ATRNL1: variants seen among roughly 807,000 people sequenced by gnomAD.
The protein encoded by ATRNL1 is attractin like 1.
Under a neutral mutation model 182.7 loss-of-function variants are expected in ATRNL1, and 95 were observed. The ratio of observed to expected loss-of-function variants is 0.52; its 90% CI spans 0.44 to 0.62. The LOEUF (loss-of-function observed/expected upper bound fraction) is 0.62. ATRNL1 is among the 20% of genes least tolerant of loss of function. ATRNL1 has a pLI of 0.00. For missense variants in ATRNL1, 1,471 were observed against 1,679.5 expected, an observed-to-expected ratio of 0.88 and a Z score of 2.17; for synonymous variants, 576 against 568.3, an observed-to-expected ratio of 1.01 and a Z score of -0.19.
intron 26 of ATRNL1, among the ~76,000 whole-genome samples, chr10:115,682,140 A>G (rs1946066017): frequency 1.3e-5 from 2 of 152,186 alleles, no homozygotes; most frequent in Non-Finnish European, 2.9e-5. Flanking sequence ...AGCAGGATAG[A>G]TAAACTGAAC....
At chr10:115,529,414 A>G (rs2133739227) in intron 25 of ATRNL1, among the ~76,000 whole-genome samples, 1 of 151,744 alleles carries the variant, frequency 6.6e-6, no homozygotes, top group East Asian at 1.9e-4. Flanking sequence ...TTTTGTTTTA[A>G]TAATCTGGGA....
chr10:115,711,545 G>A (rs1384511953), intron 26 of ATRNL1, among the ~76,000 whole-genome samples: 6 of 152,186 alleles, frequency 3.9e-5, no homozygotes, highest in Admixed American at 2.0e-4. Flanking sequence ...AGGCCACTGA[G>A]TTTAACCATA....
intron 28 of ATRNL1, among the ~76,000 whole-genome samples, chr10:115,888,933 C>T (rs1952015590): frequency 6.6e-6 from 1 of 152,182 alleles, no homozygotes; most frequent in Admixed American, 6.5e-5. Flanking sequence ...AATCTGACTC[C>T]TCCTAAATGA....
chr10:115,462,673 T>G (rs1592694357), intron 22 of ATRNL1, among the ~76,000 whole-genome samples: 1 of 152,252 alleles, frequency 6.6e-6, no homozygotes, highest in South Asian at 2.1e-4. Flanking sequence ...TGTATTTTAC[T>G]TTCCTTTATA....
At chr10:115,540,156 T>A (rs1375105743) in intron 25 of ATRNL1, among the ~76,000 whole-genome samples, 4 of 151,306 alleles carry the variant, frequency 2.6e-5, no homozygotes, top group Non-Finnish European at 5.9e-5. Flanking sequence ...TAAATAAATA[T>A]ATAGTGCTTT....
intron 15 of ATRNL1, among the ~76,000 whole-genome samples, chr10:115,287,811 A>T (rs987573405): frequency 6.6e-6 from 1 of 151,536 alleles, no homozygotes; most frequent in African/African-American, 2.4e-5. Flanking sequence ...TATTCATCTT[A>T]TCGAGCTGTA....
chr10:115,796,916 A>C (rs1459106824), intron 27 of ATRNL1, among the ~76,000 whole-genome samples: 1 of 152,222 alleles, frequency 6.6e-6, no homozygotes, highest in Non-Finnish European at 1.5e-5. Flanking sequence ...TAGTATCAAA[A>C]ATCATTGATC....
At chr10:115,313,477 T>C (rs1854137911) in intron 17 of ATRNL1, among the ~76,000 whole-genome samples, 1 of 152,206 alleles carries the variant, frequency 6.6e-6, no homozygotes, top group Admixed American at 6.5e-5. Flanking sequence ...GCTCCATTTA[T>C]AAGTAGGTGC....
At chr10:115,668,350 A>C (rs1265942949) in intron 26 of ATRNL1, among the ~76,000 whole-genome samples, 2 of 152,138 alleles carry the variant, frequency 1.3e-5, no homozygotes, top group African/African-American at 4.8e-5. Context: ...AAAATTAGTT[A>C]TGTTGCTTTA....
chr10:115,680,741 TTAAAG>T (rs1209708296), intron 26 of ATRNL1, among the ~76,000 whole-genome samples: 1 of 152,086 alleles, frequency 6.6e-6, no homozygotes, highest in Non-Finnish European at 1.5e-5. Context: ...GACAAAAATT[TTAAAG>T]TAAGTTCAAG....
At chr10:115,618,214 T>TA (rs1555021481) in intron 26 of ATRNL1, among the ~76,000 whole-genome samples, 1 of 152,192 alleles carries the variant, frequency 6.6e-6, no homozygotes, top group African/African-American at 2.4e-5. Context: ...AATGGACTAA[T>TA]ATAATGCTAT....
intron 27 of ATRNL1, among the ~76,000 whole-genome samples, chr10:115,763,808 G>T (rs2960708): frequency 0.95 from 144,716 of 152,292 alleles, 69,170 homozygotes; most frequent in East Asian, 1. Flanking sequence ...ATGTATGTAT[G>T]TTTAAAACTT....
chr10:115,225,979 T>C (rs916534019), intron 9 of ATRNL1, among the ~76,000 whole-genome samples: 1 of 151,320 alleles, frequency 6.6e-6, no homozygotes, highest in Non-Finnish European at 1.5e-5. Flanking sequence ...GGAGGACTTT[T>C]CTATCCAAAT....
chr10:115,523,582 T>C (rs1554985811), intron 25 of ATRNL1, among the ~76,000 whole-genome samples: 1 of 152,216 alleles, frequency 6.6e-6, no homozygotes, highest in Admixed American at 6.5e-5. Flanking sequence ...GCCACATTAC[T>C]TCTTGAGCAC....
chr10:115,612,622 G>T (rs1857222278), intron 26 of ATRNL1, among the ~76,000 whole-genome samples: 1 of 152,188 alleles, frequency 6.6e-6, no homozygotes, highest in Admixed American at 6.5e-5. Flanking sequence ...AGTATGTCAG[G>T]CAAGTGTTCT....
At chr10:115,781,252 C>T (rs547819650) in intron 27 of ATRNL1, among the ~76,000 whole-genome samples, 31 of 152,252 alleles carry the variant, frequency 2.0e-4, no homozygotes, top group Admixed American at 1.6e-3. Context: ...ACATTACTTT[C>T]GGGAATATCC....
intron 25 of ATRNL1, among the ~76,000 whole-genome samples, chr10:115,537,979 C>G (rs534696390): frequency 1.1e-4 from 16 of 152,246 alleles, no homozygotes; most frequent in African/African-American, 3.6e-4. Context: ...TGGCTTCTTT[C>G]CCTTAGTCTA....
intron 9 of ATRNL1, among the ~76,000 whole-genome samples, chr10:115,236,552 C>T (rs1478560211): frequency 6.6e-6 from 1 of 152,092 alleles, no homozygotes. Context: ...ATTTTAATCC[C>T]CACATTTTTT....
intron 26 of ATRNL1, among the ~76,000 whole-genome samples, chr10:115,707,620 AATTT>A (rs1946942071): frequency 6.6e-6 from 1 of 151,660 alleles, no homozygotes; most frequent in Admixed American, 6.6e-5. Context: ...TATACACATT[AATTT>A]ATTCTGATTT....
Sources: gnomAD v4.1 joint callset for allele counts (sites outside exome capture counted in the v4.1 genomes callset) on GRCh38, gnomAD v4.1.1 for gene constraint, MANE v1.5 for transcripts, NCBI Gene and HGNC (gene_info 2026-07-23, HGNC 2026-07-21) for gene names.